Variants in ABR observed in about 807,000 individuals in gnomAD.
The protein encoded by ABR is ABR activator of RhoGEF and GTPase, also known as active breakpoint cluster region-related protein.
ABR carries 35 observed loss-of-function variants against 107.2 expected under a neutral mutation model. The ratio of observed to expected loss-of-function variants is 0.33; its 90% CI spans 0.25 to 0.43. ABR has a LOEUF of 0.43. Among genes scored for constraint, ABR ranks in the 20% least tolerant of loss-of-function variants. The pLI, the probability that ABR is intolerant of heterozygous loss-of-function variation, is 1.00. For missense variants in ABR, 815 were observed against 1,115.2 expected, an observed-to-expected ratio of 0.73 and a Z score of 3.83; for synonymous variants, 498 against 462.0, an observed-to-expected ratio of 1.08 and a Z score of -1.00.
chr17:1,057,309 T>A (rs556260307), intron 12 of ABR, among the ~76,000 whole-genome samples: 4 of 1,528 alleles, frequency 2.6e-3, no homozygotes, highest in Non-Finnish European at 7.3e-3. Flanking sequence ...TGAAGAGGTT[T>A]GTGTGTGTGT....
chr17:1,065,969 T>G (rs1266411099), intron 10 of ABR, among the ~76,000 whole-genome samples: 6 of 152,284 alleles, frequency 3.9e-5, no homozygotes, highest in Admixed American at 3.3e-4. Context: ...GGTCTCAAAC[T>G]CCTGACCTCA....
rs1309789718 is a variant in ABR at position 1,058,842 on chromosome 17, G to T, written c.1208C>A (p.Ala403Asp). 1 of 1,614,030 alleles carries T rather than the reference G, an allele frequency of 6.2e-7. No individual in the cohort carries two copies. Among genetic ancestry groups the T allele is most frequent in the Non-Finnish European group, 8.5e-7 (1 of 1,180,028 alleles). ...CATCTTCTTCTTCAGGCGCTCGATG[G>T]CCCGGCTCTGGCCTTTGTTGGCTTT... ...KEKANKGQSR[A>D]IERLKKKMFE... Residue 403 changes from alanine to aspartate, a missense_variant, in exon 11 of 23, where the codon GCC becomes GAC. By Grantham distance (126) the Ala-to-Asp change is moderately radical. This residue lies in a region of ABR where 385 missense variants were observed against 596.9 expected (regional missense o/e 0.64). Coordinates refer to ENST00000302538, the MANE Select transcript of ABR (RefSeq NM_021962.5).
chr17:1,062,552 G>C (rs2034128011), intron 10 of ABR, among the ~76,000 whole-genome samples: 1 of 136,316 alleles, frequency 7.3e-6, no homozygotes, highest in African/African-American at 2.7e-5. Flanking sequence ...TGTGAACTGA[G>C]GGCTATGCAT....
At chr17:1,224,235 G>C (rs1054430982) in intron 1 of ABR, among the ~76,000 whole-genome samples, 17 of 152,022 alleles carry the variant, frequency 1.1e-4, no homozygotes, top group African/African-American at 4.1e-4. Flanking sequence ...ACACGGCCTG[G>C]TCTTTGTCTT....
At chr17:1,181,171 G>A (rs912944729), upstream of ABR, among the ~76,000 whole-genome samples, 1 of 152,232 alleles carries the variant, frequency 6.6e-6, no homozygotes, top group Admixed American at 6.5e-5. Context: ...GAACGCTGGA[G>A]GGGTGTGGGG....
In ABR at chr17:1,010,995, A is replaced by T; in HGVS notation, c.2102-132T>A. ...TCTCCCCTGGAAGAGCAGGATGTAG[A>T]GAGGGCCCACAGGTGTCTGTGACTC... is the stretch of plus-strand genomic sequence containing the variant. On this transcript the variant is annotated intron_variant, in intron 19 of 22. Coordinates refer to ENST00000302538, the MANE Select transcript of ABR (RefSeq NM_021962.5). The surrounding 1 kb of genome is among the most constrained non-coding windows in gnomAD (Gnocchi z 4.1). 3 of 1,239,082 alleles carry T rather than the reference A, an allele frequency of 2.4e-6. No homozygotes were observed. The allele number at this position is 1,239,082 out of a possible 1,614,324, so 76.8% of individuals were successfully genotyped here.
chr17:1,072,256 A>C (rs1204589562), intron 8 of ABR, among the ~76,000 whole-genome samples: 3 of 152,142 alleles, frequency 2.0e-5, no homozygotes, highest in Admixed American at 2.0e-4. Context: ...TTCTCAGCCT[A>C]GGGCCTGGAA....
At chr17:1,173,888 C>T (rs551775562) in intron 1 of ABR, among the ~76,000 whole-genome samples, 3 of 152,224 alleles carry the variant, frequency 2.0e-5, no homozygotes, top group African/African-American at 2.4e-5. Flanking sequence ...GGATGAGGAG[C>T]GCAATGAGCT....
At chr17:1,083,394 A>T (rs2151257540) in intron 5 of ABR, 126 bp downstream of exon 5, 1 of 488,824 alleles carries the variant, frequency 2.0e-6, no homozygotes, top group East Asian at 3.2e-5. Flanking sequence ...AGCAAATATC[A>T]GGCTAAGTGT....
In ABR at chr17:1,003,873, A is replaced by G. The variant is rs2069833752; in HGVS notation, c.*2207T>C. 1.3e-5 allele frequency: 2 copies of G among 152,336 alleles called. No individual in the cohort carries two copies. The highest frequency in any genetic ancestry group is 2.9e-5 in the Non-Finnish European group (2 of 68,104). The allele number at this position is 152,336 out of a possible 1,614,324, so 9.4% of individuals were successfully genotyped here. A position where few individuals can be genotyped will look rare whatever the true frequency, so the allele number is the denominator to read the frequency against. ...GCAGTGACTGGAGGTTTCGGGCTGC[A>G]TGGTCCCCGGCTCACAGGAGACCCT... On this transcript the variant is annotated 3_prime_UTR_variant, in exon 23 of 23. Coordinates refer to ENST00000302538, the MANE Select transcript of ABR (RefSeq NM_021962.5).
chr17:1,143,586 C>T (rs1360524130), intron 1 of ABR, among the ~76,000 whole-genome samples: 1 of 152,034 alleles, frequency 6.6e-6, no homozygotes, highest in Non-Finnish European at 1.5e-5. Context: ...TGCTCCGGCT[C>T]TGCCTCCACT....
chr17:1,216,725 C>T (rs2043017265), intron 1 of ABR, among the ~76,000 whole-genome samples: 1 of 152,224 alleles, frequency 6.6e-6, no homozygotes, highest in Non-Finnish European at 1.5e-5. Flanking sequence ...CTGCGCTGTC[C>T]TCTGCCTGTC....
intron 3 of ABR, among the ~76,000 whole-genome samples, chr17:1,096,425 G>C (rs112618777): frequency 6.6e-6 from 1 of 152,198 alleles, no homozygotes; most frequent in Non-Finnish European, 1.5e-5. Context: ...CCACCCCGAA[G>C]AGCAGAAGGT....
At position 1,018,269 on chromosome 17, in the gene ABR, C is replaced by G. The variant is rs548089432; in HGVS notation, c.1792-5105G>C. Among the ~76,000 whole-genome samples the G allele has an allele frequency of 1.4e-3, 211 of 151,212 alleles. 1 individual carries two copies. The highest frequency in any genetic ancestry group is 1.8e-3 in the Non-Finnish European group (125 of 67,774). On this transcript the variant is annotated intron_variant, in intron 16 of 22. Transcript: ENST00000302538. ...GTGTTAGCCAGGATGGTCTTGATCT[C>G]CTGACCTCGTGATTCGCCCACCTCG... is the stretch of plus-strand genomic sequence containing the variant.
At chr17:1,042,175 C>T (rs2030643300) in intron 16 of ABR, among the ~76,000 whole-genome samples, 1 of 145,636 alleles carries the variant, frequency 6.9e-6, no homozygotes, top group Non-Finnish European at 1.5e-5. Context: ...GATGGACGGA[C>T]GGACAGACGG....
Position 1,179,437 on chromosome 17 carries a change from C to G in ABR, c.61+230G>C, listed in dbSNP as rs2151626670. 6.6e-6 allele frequency among the ~76,000 whole-genome samples: 1 copy of G among 152,160 alleles called. No homozygotes were observed. Among genetic ancestry groups the G allele is most frequent in the South Asian group, 2.1e-4 (1 of 4,812 alleles). On this transcript the variant is annotated intron_variant, in intron 1 of 22. Coordinates refer to ENST00000302538, the MANE Select transcript of ABR (RefSeq NM_021962.5). This position sits in a 1 kb window ranked among gnomAD's most constrained non-coding sequence, Gnocchi z 4.9. ...GCAGGAATCCTCTCTGGGGACCCCC[C>G]GCCCGCGCCCCCCAGACCAGCCCGG...
rs1464107609 is a variant in ABR, at chr17:1,036,049, G to A, written c.1791+14001C>T. ...CTTCCAGGCAAATCCTCCAGCCTGT[G>A]AGCACCAGGAGGAAGGTTCTGCCTC... On this transcript the variant is annotated intron_variant, in intron 16 of 22. Transcript: ENST00000302538. Among the ~76,000 whole-genome samples, 2 of 152,128 alleles carry A rather than the reference G, an allele frequency of 1.3e-5. 1 individual carries two copies. Among genetic ancestry groups the A allele is most frequent in the Admixed American group, 1.3e-4 (2 of 15,272 alleles).
At position 1,125,224 on chromosome 17, in the gene ABR, C is replaced by A. The variant is rs755275951; in HGVS notation, c.205G>T (p.Asp69Tyr). The A allele has an allele frequency of 1.3e-5, 21 of 1,597,580 alleles. No homozygotes were observed. The highest frequency in any genetic ancestry group is 1.6e-5 in the Non-Finnish European group (19 of 1,171,074). ...QLSARSQGGG[D>Y]GVSPTPPEGL... ...TCAGGTGGAGTCGGGGAGACGCCAT[C>A]CCCCCCGCCCTGGCTGCGGGCGCTG... is the stretch of plus-strand genomic sequence containing the variant. Residue 69 changes from aspartate (D) to tyrosine (Y), a missense_variant, in exon 2 of 23, where the codon GAT becomes TAT. Physicochemically the swap from Asp to Tyr is radical, Grantham distance 160. Transcript: ENST00000302538.
At chr17:1,031,525 G>GCCCCCCGCAGC (rs1257074420) in intron 16 of ABR, 1 of 282,750 alleles carries the variant, frequency 3.5e-6, no homozygotes, top group Middle Eastern at 1.1e-3. Flanking sequence ...AGCCCCCGCA[G>GCCCCCCGCAGC]CCCCCGCAGC....
Sources: gnomAD v4.1 joint callset for allele counts (sites outside exome capture counted in the v4.1 genomes callset) on GRCh38, gnomAD v4.1.1 for gene constraint, gnomAD v4.1.1 regional missense constraint, Gnocchi (gnomAD v3.1) non-coding constraint, MANE v1.5 for transcripts, NCBI Gene and HGNC (gene_info 2026-07-23, HGNC 2026-07-21) for gene names.